Variants in PRR5L observed in about 807,000 individuals in gnomAD.
The protein encoded by PRR5L is proline rich 5 like.
A neutral mutation model predicts 36.4 loss-of-function variants in PRR5L; 21 were observed. The ratio of observed to expected loss-of-function variants is 0.58; its 90% CI spans 0.41 to 0.83. The LOEUF (loss-of-function observed/expected upper bound fraction) is 0.83. PRR5L is among the 40% of genes least tolerant of loss of function. The pLI is 0.00. For synonymous variants in PRR5L, 188 were observed against 197.0 expected, an observed-to-expected ratio of 0.95 and a Z score of 0.38; for missense variants, 381 against 473.3, an observed-to-expected ratio of 0.80 and a Z score of 1.81.
At chr11:36,318,319 C>T (rs1554984018) in intron 1 of PRR5L, among the ~76,000 whole-genome samples, 1 of 152,130 alleles carries the variant, frequency 6.6e-6, no homozygotes, top group Non-Finnish European at 1.5e-5. Flanking sequence ...CTTTGCTTTA[C>T]TTTTTTAAGT....
chr11:36,385,188 G>C (rs1303613647), intron 1 of PRR5L, among the ~76,000 whole-genome samples: 1 of 152,094 alleles, frequency 6.6e-6, no homozygotes, highest in African/African-American at 2.4e-5. Context: ...CTCACATAAT[G>C]GTCAGTCTTA....
chr11:36,376,330 G>C (rs1857258709), intron 1 of PRR5L: 1 of 1,096,196 alleles, frequency 9.1e-7, no homozygotes, highest in South Asian at 1.8e-5. Context: ...AGGGGGAGAA[G>C]GGGGAGGAGG....
At chr11:36,428,164 CA>C (rs1279082064) in intron 4 of PRR5L, among the ~76,000 whole-genome samples, 1 of 152,174 alleles carries the variant, frequency 6.6e-6, no homozygotes, top group East Asian at 1.9e-4. Flanking sequence ...AGTAGGGTGA[CA>C]TTGGTGGTGG....
chr11:36,417,885 C>G (rs1477718367), intron 3 of PRR5L, among the ~76,000 whole-genome samples: 1 of 152,168 alleles, frequency 6.6e-6, no homozygotes, highest in Admixed American at 6.5e-5. Flanking sequence ...CAAAGAAAGT[C>G]ATTTGAAATC....
Position 36,417,047 on chromosome 11 carries a change from A to G in PRR5L, c.246-2208A>G, listed in dbSNP as rs148836624. On this transcript the variant is annotated intron_variant, in intron 3 of 8. Coordinates refer to ENST00000530639, the MANE Select transcript of PRR5L (RefSeq NM_001160167.2). ...TTAACCCCGACCTTTTTCTTTTTCA[A>G]TCTTACCCATGGCATCTTCATGAGC... Among the ~76,000 whole-genome samples the G allele has an allele frequency of 2.5e-3, 376 of 152,092 alleles. 5 individuals are homozygous for G. The highest frequency in any genetic ancestry group is 8.7e-3 in the African/African-American group (360 of 41,472).
intron 1 of PRR5L, among the ~76,000 whole-genome samples, chr11:36,308,007 A>G (rs1856453092): frequency 6.6e-6 from 1 of 152,162 alleles, no homozygotes; most frequent in Admixed American, 6.5e-5. Flanking sequence ...CCTACTTGGG[A>G]ACCAATCATT....
intron 3 of PRR5L, among the ~76,000 whole-genome samples, chr11:36,404,321 G>A (rs1445091911): frequency 6.7e-6 from 1 of 150,108 alleles, no homozygotes; most frequent in Non-Finnish European, 1.5e-5. Context: ...ACCCAGGCTG[G>A]AGTGCAGTGG....
intron 6 of PRR5L, among the ~76,000 whole-genome samples, chr11:36,445,598 T>G (rs892183738): frequency 6.6e-6 from 1 of 152,208 alleles, no homozygotes; most frequent in African/African-American, 2.4e-5. Flanking sequence ...AGCTGTACTT[T>G]GGTTGAATTA....
chr11:36,459,143 G>A (rs1028326766), intron 8 of PRR5L, among the ~76,000 whole-genome samples: 2 of 152,188 alleles, frequency 1.3e-5, no homozygotes, highest in Non-Finnish European at 2.9e-5. Flanking sequence ...GGTTGCAGTG[G>A]CTGGACCATC....
At chr11:36,383,086 C>T (rs1276543900) in intron 1 of PRR5L, among the ~76,000 whole-genome samples, 1 of 152,170 alleles carries the variant, frequency 6.6e-6, no homozygotes, top group African/African-American at 2.4e-5. Context: ...TGCTCTGAAC[C>T]AGAAACTCTC....
At chr11:36,392,657 C>T (rs540328965) in intron 1 of PRR5L, among the ~76,000 whole-genome samples, 38 of 152,234 alleles carry the variant, frequency 2.5e-4, no homozygotes, top group Non-Finnish European at 4.0e-4. Flanking sequence ...CTCACAGTTC[C>T]GCATGGCTAG....
chr11:36,429,022 G>T (rs538557524), intron 4 of PRR5L, among the ~76,000 whole-genome samples: 2 of 152,046 alleles, frequency 1.3e-5, no homozygotes, highest in East Asian at 1.9e-4. Context: ...CCATAATATA[G>T]GAATAATTAC....
chr11:36,401,137 G>A lies in PRR5L; in HGVS notation c.16G>A (p.Ala6Thr), dbSNP rs144807940. 48 of 1,613,958 alleles carry A rather than the reference G, an allele frequency of 3.0e-5. No individual in the cohort carries two copies. The African/African-American group carries it at 3.6e-4, about 12-fold the overall frequency. Reference protein sequence around the residue: MTRGFAPILPVEFHKM... With the variant: MTRGFTPILPVEFHKM... ...ACCAGGACTTATGACCCGCGGCTTC[G>A]CTCCCATTCTGCCCGTCGAGTTCCA... The change falls in exon 2 of 9, where the codon GCT (alanine) becomes ACT (threonine). Residue 6 changes from alanine (A) to threonine (T), a missense_variant. Coordinates refer to ENST00000530639, the MANE Select transcript of PRR5L (RefSeq NM_001160167.2).
intron 3 of PRR5L, among the ~76,000 whole-genome samples, chr11:36,414,039 AACT>A (rs1161795517): frequency 3.4e-5 from 5 of 147,870 alleles, no homozygotes; most frequent in African/African-American, 5.1e-5. Context: ...AAAGGACATG[AACT>A]CATCATTTTT....
chr11:36,313,783 C>T (rs1856528150), intron 1 of PRR5L, among the ~76,000 whole-genome samples: 1 of 152,138 alleles, frequency 6.6e-6, no homozygotes, highest in Non-Finnish European at 1.5e-5. Context: ...TAGAGTTTGC[C>T]CATGGTCAAC....
At chr11:36,362,709 C>G (rs1857104031) in intron 1 of PRR5L, among the ~76,000 whole-genome samples, 1 of 152,146 alleles carries the variant, frequency 6.6e-6, no homozygotes, top group Non-Finnish European at 1.5e-5. Context: ...CATAAAAGGT[C>G]TTATGGATTC....
chr11:36,399,455 C>T (rs1857743215), intron 1 of PRR5L, among the ~76,000 whole-genome samples: 1 of 152,194 alleles, frequency 6.6e-6, no homozygotes, highest in South Asian at 2.1e-4. Context: ...TGGCTTAACT[C>T]ACTCTTCTGA....
chr11:36,369,843 C>T (rs756900443), intron 1 of PRR5L, among the ~76,000 whole-genome samples: 3 of 152,164 alleles, frequency 2.0e-5, no homozygotes, highest in African/African-American at 7.2e-5. Context: ...GTGATCCACC[C>T]GCCTTGGCCT....
chr11:36,431,752 G>A, intron 4 of PRR5L, 101 bp from the exon 5 acceptor site: 1 of 1,075,734 alleles, frequency 9.3e-7, no homozygotes, highest in South Asian at 1.3e-5. Context: ...GAACACAAGT[G>A]CCTAGAACTC....
Sources: allele counts gnomAD v4.1 joint callset (sites outside exome capture counted in the v4.1 genomes callset), GRCh38; gene constraint gnomAD v4.1.1; transcripts MANE v1.5; gene names NCBI Gene and HGNC (gene_info 2026-07-23, HGNC 2026-07-21).